Variants in HDAC9 observed in about 807,000 individuals in gnomAD.
HDAC9 encodes the protein histone deacetylase 9, also known as MEF-2 interacting transcription repressor (MITR) protein.
HDAC9 carries 41 observed loss-of-function variants against 139.4 expected under a neutral mutation model. The observed-to-expected ratio is 0.29, with a 90% CI of 0.23 to 0.38. The LOEUF (loss-of-function observed/expected upper bound fraction) is 0.38, where lower values mean the gene tolerates loss of function less well. Among genes scored for constraint, HDAC9 ranks in the 10% least tolerant of loss-of-function variants. HDAC9 has a pLI of 1.00. For synonymous variants in HDAC9, 517 were observed against 476.2 expected, an observed-to-expected ratio of 1.09 and a Z score of -1.12; for missense variants, 1,147 against 1,297.0, an observed-to-expected ratio of 0.88 and a Z score of 1.78.
chr7:18,166,669 C>A (rs1404988687), intron 2 of HDAC9, among the ~76,000 whole-genome samples: 1 of 152,136 alleles, frequency 6.6e-6, no homozygotes, highest in African/African-American at 2.4e-5. Context: ...TAATACAGCA[C>A]AACATCAGGT....
chr7:18,144,328 A>T (rs1342725807), intron 1 of HDAC9, among the ~76,000 whole-genome samples: 3 of 152,090 alleles, frequency 2.0e-5, no homozygotes, highest in Non-Finnish European at 4.4e-5. Context: ...TTTGTTCCTG[A>T]TTACTGTAAC....
intron 22 of HDAC9, among the ~76,000 whole-genome samples, chr7:18,877,017 C>A (rs573689461): frequency 2.0e-5 from 3 of 152,008 alleles, no homozygotes; most frequent in Non-Finnish European, 4.4e-5. Context: ...TAGAGAATTT[C>A]GATGCACACT....
At chr7:18,377,710 A>G (rs1785103068) in intron 1 of HDAC9, among the ~76,000 whole-genome samples, 1 of 152,200 alleles carries the variant, frequency 6.6e-6, no homozygotes, top group South Asian at 2.1e-4. Flanking sequence ...ATGGATTCAT[A>G]TTGAGCAGTT....
At chr7:18,137,691 G>T (rs1785533948) in intron 1 of HDAC9, among the ~76,000 whole-genome samples, 1 of 151,594 alleles carries the variant, frequency 6.6e-6, no homozygotes, top group African/African-American at 2.4e-5. Flanking sequence ...TTGATGTGCT[G>T]CTGGATTCGT....
intron 1 of HDAC9, among the ~76,000 whole-genome samples, chr7:18,407,536 G>T (rs1227631976): frequency 6.6e-6 from 1 of 151,604 alleles, no homozygotes; most frequent in African/African-American, 2.4e-5. Flanking sequence ...TGATTCATCA[G>T]TTCACCAGGT....
At chr7:18,321,390 A>G (rs536962546) in intron 1 of HDAC9, among the ~76,000 whole-genome samples, 2 of 152,316 alleles carry the variant, frequency 1.3e-5, no homozygotes, top group South Asian at 4.1e-4. Context: ...CATGTACCAC[A>G]CAAGAGAAAG....
intron 1 of HDAC9, among the ~76,000 whole-genome samples, chr7:18,140,101 T>A (rs1785783602): frequency 6.6e-6 from 1 of 152,122 alleles, no homozygotes; most frequent in Non-Finnish European, 1.5e-5. Context: ...ATGAAAGCCA[T>A]GGCTAGATGT....
intron 6 of HDAC9, 71 bp from the exon 7 acceptor site, chr7:18,629,279 T>A (rs1262396436): frequency 9.0e-6 from 12 of 1,330,294 alleles, no homozygotes; most frequent in African/African-American, 1.5e-5. Context: ...TTTTTTTTTT[T>A]AACACATGAG....
intron 22 of HDAC9, among the ~76,000 whole-genome samples, chr7:18,932,090 T>C (rs2129306282): frequency 6.6e-6 from 1 of 152,310 alleles, no homozygotes; most frequent in South Asian, 2.1e-4. Context: ...GATATGGAAC[T>C]TGCTGTACTT....
intron 2 of HDAC9, among the ~76,000 whole-genome samples, chr7:18,263,768 C>G (rs1021588792): frequency 6.6e-6 from 1 of 151,996 alleles, no homozygotes; most frequent in Non-Finnish European, 1.5e-5. Flanking sequence ...GCCATCACAC[C>G]TGGCTAATTT....
At chr7:18,519,103 A>T (rs1399944705) in intron 2 of HDAC9, among the ~76,000 whole-genome samples, 2 of 152,242 alleles carry the variant, frequency 1.3e-5, no homozygotes, top group African/African-American at 4.8e-5. Flanking sequence ...CCTACTTCAT[A>T]GATCAATATG....
At chr7:18,805,710 C>T (rs1028925424) in intron 17 of HDAC9, among the ~76,000 whole-genome samples, 1 of 152,194 alleles carries the variant, frequency 6.6e-6, no homozygotes, top group South Asian at 2.1e-4. Flanking sequence ...AGGTCACTGA[C>T]AGTGGACCTG....
At chr7:18,819,226 G>A (rs1479183493) in intron 17 of HDAC9, among the ~76,000 whole-genome samples, 1 of 152,160 alleles carries the variant, frequency 6.6e-6, no homozygotes, top group African/African-American at 2.4e-5. Context: ...GTTGCAGTGA[G>A]CTGAGATAGC....
At chr7:18,219,189 T>A (rs1792515673) in intron 2 of HDAC9, among the ~76,000 whole-genome samples, 1 of 152,188 alleles carries the variant, frequency 6.6e-6, no homozygotes, top group Non-Finnish European at 1.5e-5. Flanking sequence ...TGAATCTATG[T>A]AGTATTTTTC....
At chr7:18,739,218 G>A (rs983986888) in intron 13 of HDAC9, among the ~76,000 whole-genome samples, 5 of 152,132 alleles carry the variant, frequency 3.3e-5, no homozygotes, top group Admixed American at 6.5e-5. Context: ...AGCTCCTTTA[G>A]CTCAGAGATG....
chr7:18,597,415 AACTTAT>A (rs1205612955), intron 6 of HDAC9, among the ~76,000 whole-genome samples: 1 of 152,204 alleles, frequency 6.6e-6, no homozygotes, highest in African/African-American at 2.4e-5. Flanking sequence ...TATTTTACTA[AACTTAT>A]ACTTTGGCTG....
At chr7:18,868,338 A>G (rs1798648056) in intron 21 of HDAC9, among the ~76,000 whole-genome samples, 1 of 152,216 alleles carries the variant, frequency 6.6e-6, no homozygotes, top group Admixed American at 6.5e-5. Context: ...ACTGTGTGTT[A>G]GAGTCCCAGT....
chr7:18,925,319 C>T (rs751145228), intron 22 of HDAC9, among the ~76,000 whole-genome samples: 3 of 152,106 alleles, frequency 2.0e-5, no homozygotes, highest in Non-Finnish European at 4.4e-5. Flanking sequence ...AGTTAATGTT[C>T]TTATAACTTG....
chr7:18,685,949 A>T (rs1782238527), intron 12 of HDAC9, among the ~76,000 whole-genome samples: 1 of 152,024 alleles, frequency 6.6e-6, no homozygotes, highest in South Asian at 2.1e-4. Flanking sequence ...TTGAAAGCTA[A>T]TTAATTGCCA....
Sources: gnomAD v4.1 joint callset for allele counts (sites outside exome capture counted in the v4.1 genomes callset) on GRCh38, gnomAD v4.1.1 for gene constraint, MANE v1.5 for transcripts, NCBI Gene and HGNC (gene_info 2026-07-23, HGNC 2026-07-21) for gene names.